Variants in CCDC175 observed in about 807,000 individuals in gnomAD.
The protein encoded by CCDC175 is coiled-coil domain-containing protein 175.
In CCDC175, 100 loss-of-function variants were observed where a neutral mutation model predicts 114.6. The ratio of observed to expected loss-of-function variants is 0.87; its 90% CI spans 0.74 to 1.03. The LOEUF (loss-of-function observed/expected upper bound fraction) is 1.03, where lower values mean the gene tolerates loss of function less well. Ranked by LOEUF, CCDC175 falls within the 50% of genes least tolerant of loss-of-function variation. The pLI, the probability that CCDC175 is intolerant of heterozygous loss-of-function variation, is 0.00. For synonymous variants in CCDC175, 306 were observed against 308.7 expected (o/e 0.99, Z 0.09); for missense variants, 880 against 917.8 (o/e 0.96, Z 0.53).
intron 16 of CCDC175, among the ~76,000 whole-genome samples, chr14:59,522,708 G>C (rs1192676582): frequency 6.6e-6 from 1 of 152,188 alleles, no homozygotes; most frequent in Non-Finnish European, 1.5e-5. Flanking sequence ...TCTCCCAGGT[G>C]TAAATCCTGC....
At chr14:59,513,768 G>C (rs1472928453) in intron 17 of CCDC175, among the ~76,000 whole-genome samples, 3 of 152,220 alleles carry the variant, frequency 2.0e-5, no homozygotes, top group African/African-American at 7.2e-5. Context: ...AAAGGCAGCA[G>C]AATCCTCTGC....
At chr14:59,548,002 C>G (rs1374873489) in intron 8 of CCDC175, among the ~76,000 whole-genome samples, 2 of 152,130 alleles carry the variant, frequency 1.3e-5, no homozygotes, top group African/African-American at 4.8e-5. Flanking sequence ...ATCTGTACTT[C>G]TATGTTCATT....
chr14:59,516,526 G>A (rs1186083017), intron 17 of CCDC175, among the ~76,000 whole-genome samples: 1 of 152,206 alleles, frequency 6.6e-6, no homozygotes, highest in African/African-American at 2.4e-5. Context: ...TACCATCAGA[G>A]AATACTATAA....
At position 59,538,213 on chromosome 14, in the gene CCDC175, C is replaced by T. The variant is rs533150495; in HGVS notation, c.1492-59G>A. 3.2e-4 allele frequency: 446 copies of T among 1,381,588 alleles called. No homozygotes were observed. The African/African-American group carries it at 5.2e-3, about 16-fold the overall frequency. 85.6% of individuals were successfully genotyped at this position (1,381,588 alleles called of 1,614,324 possible). On this transcript the variant is annotated intron_variant, in intron 12 of 19. Transcript: ENST00000537690. The stretch of plus-strand genomic sequence containing the variant: ...CTTGTAGTGATCAGCCTTACATTTT[C>T]GAATAGCCAGGAAATTAATATCTCT...
In CCDC175 at chr14:59,525,416, A is replaced by G; in HGVS notation, c.1861T>C (p.Leu621=). The G allele has an allele frequency of 6.6e-7, 1 of 1,514,308 alleles. No homozygotes were observed. The allele number at this position is 1,514,308 out of a possible 1,614,324, so 93.8% of individuals were successfully genotyped here. Residue 621 remains leucine (L), a synonymous_variant, in exon 16 of 20, where the codon TTA becomes CTA. Transcript: ENST00000537690. ...ISNMEDVKQE[L]QQLRDQESKK... is the part of the protein sequence containing the mutation. Reference sequence around the variant, plus strand: ...CTTTCTTGATCTCGTAATTGTTGTAATTCTTGTTTTACATCTTCCTGCTCA... The same window carrying G: ...CTTTCTTGATCTCGTAATTGTTGTAGTTCTTGTTTTACATCTTCCTGCTCA...
intron 16 of CCDC175, among the ~76,000 whole-genome samples, chr14:59,523,433 T>C (rs1455196150): frequency 6.6e-6 from 1 of 152,200 alleles, no homozygotes; most frequent in African/African-American, 2.4e-5. Flanking sequence ...ATTGGACTAG[T>C]CACTGATTTT....
intron 5 of CCDC175, chr14:59,564,601 A>G (rs1896415523): frequency 6.7e-6 from 1 of 148,408 alleles, no homozygotes; most frequent in Non-Finnish European, 1.4e-5. Context: ...TTTTCTCTTT[A>G]AAGCCCTCAG....
chr14:59,538,638 AAT>A, intron 12 of CCDC175, 65 bp downstream of exon 12: 2 of 1,217,794 alleles, frequency 1.6e-6, no homozygotes, highest in South Asian at 3.4e-5. Context: ...GATTTAATTA[AAT>A]ATTAAAGGAG....
At chr14:59,537,286 G>T (rs1378345961) in intron 13 of CCDC175, among the ~76,000 whole-genome samples, 1 of 152,168 alleles carries the variant, frequency 6.6e-6, no homozygotes, top group Non-Finnish European at 1.5e-5. Context: ...GCAGGATGTG[G>T]CAGGATGGGA....
chr14:59,553,563 G>A (rs980850005), intron 7 of CCDC175, among the ~76,000 whole-genome samples: 2 of 152,138 alleles, frequency 1.3e-5, no homozygotes, highest in African/African-American at 4.8e-5. Flanking sequence ...CAACTAACGA[G>A]CAAAATAACC....
chr14:59,512,914 G>A (rs375423389), intron 17 of CCDC175, among the ~76,000 whole-genome samples: 1 of 151,660 alleles, frequency 6.6e-6, no homozygotes, highest in East Asian at 1.9e-4. Context: ...AATTTTAAAA[G>A]ACAAGCATAC....
At position 59,521,571 on chromosome 14, in the gene CCDC175, T is replaced by C. The variant is rs1893430369; in HGVS notation, c.2098+3A>G. 6.7e-7 allele frequency: 1 copy of C among 1,503,692 alleles called. No individual in the cohort carries two copies. The highest frequency in any genetic ancestry group is 1.4e-5 in the African/African-American group (1 of 72,206). The allele number at this position is 1,503,692 out of a possible 1,614,324, so 93.1% of individuals were successfully genotyped here. A position where few individuals can be genotyped will look rare whatever the true frequency, so the allele number is the denominator to read the frequency against. ...CTAATACAAGCACCCACACATTACTTACCCTCCTGAGCTATTAGTTGCCGA... is the reference window on the plus strand; with the variant it reads ...CTAATACAAGCACCCACACATTACTCACCCTCCTGAGCTATTAGTTGCCGA... On this transcript the variant is annotated splice_donor_region_variant and intron_variant, in intron 17 of 19. Transcript: ENST00000537690.
intron 18 of CCDC175, among the ~76,000 whole-genome samples, chr14:59,511,474 C>A (rs1594973503): frequency 6.7e-6 from 1 of 149,182 alleles, no homozygotes; most frequent in Non-Finnish European, 1.5e-5. Context: ...AAAAAACAGT[C>A]TTTCCCACCT....
intron 7 of CCDC175, among the ~76,000 whole-genome samples, chr14:59,554,010 A>G (rs1895703606): frequency 6.6e-6 from 1 of 152,334 alleles, no homozygotes; most frequent in African/African-American, 2.4e-5. Flanking sequence ...CCACACAATA[A>G]TAATGGGATA....
intron 13 of CCDC175, among the ~76,000 whole-genome samples, chr14:59,534,004 A>G (rs1331595178): frequency 6.6e-6 from 1 of 151,576 alleles, no homozygotes; most frequent in Middle Eastern, 3.2e-3. Context: ...AAAAAAAAAA[A>G]AAGAAACGCA....
chr14:59,557,771 GAATT>G (rs890204583), intron 7 of CCDC175, among the ~76,000 whole-genome samples: 21 of 151,980 alleles, frequency 1.4e-4, no homozygotes, highest in African/African-American at 5.1e-4. Flanking sequence ...TTGAACTGAT[GAATT>G]ATTTATTTAT....
chr14:59,509,871 T>C (rs6573260), intron 19 of CCDC175, among the ~76,000 whole-genome samples: 59,264 of 152,082 alleles, frequency 0.39, 12,334 homozygotes, highest in African/African-American at 0.53. Context: ...TATCTAGTGA[T>C]TATGCTCTTT....
intron 17 of CCDC175, among the ~76,000 whole-genome samples, chr14:59,516,723 C>A (rs965548662): frequency 2.6e-5 from 4 of 152,114 alleles, no homozygotes; most frequent in African/African-American, 9.7e-5. Context: ...GATTCCCAGC[C>A]GAATTCTACC....
At chr14:59,530,412 GAGAA>G (rs1273404570) in intron 14 of CCDC175, among the ~76,000 whole-genome samples, 3 of 131,482 alleles carry the variant, frequency 2.3e-5, no homozygotes, top group Non-Finnish European at 3.2e-5. Context: ...CAGAGAGAGA[GAGAA>G]AGAAAGAAAA....
Sources: gnomAD v4.1 joint callset for allele counts (sites outside exome capture counted in the v4.1 genomes callset) on GRCh38, gnomAD v4.1.1 for gene constraint, MANE v1.5 for transcripts, NCBI Gene and HGNC (gene_info 2026-07-23, HGNC 2026-07-21) for gene names.